The following FMN1 variants were observed in gnomAD, a reference collection of about 807,000 sequenced individuals.
The protein encoded by FMN1 is formin-1.
In FMN1, 110 loss-of-function variants were observed where a neutral mutation model predicts 132.4. The observed-to-expected ratio is 0.83, with a 90% CI of 0.71 to 0.97. The LOEUF (loss-of-function observed/expected upper bound fraction) is 0.97, where lower values mean the gene tolerates loss of function less well. Among genes scored for constraint, FMN1 ranks in the 50% least tolerant of loss-of-function variants. The pLI is 0.00. For missense variants in FMN1, 1,792 were observed against 1,705.3 expected (o/e 1.05, Z -0.90); for synonymous variants, 722 against 651.7 (o/e 1.11, Z -1.64).
chr15:32,843,105 C>A (rs2058781446), intron 17 of FMN1, among the ~76,000 whole-genome samples: 1 of 146,398 alleles, frequency 6.8e-6, no homozygotes, highest in Non-Finnish European at 1.5e-5. Flanking sequence ...CTAGCCTGGG[C>A]AACAAGAGCG....
intron 12 of FMN1, among the ~76,000 whole-genome samples, chr15:32,902,798 C>G (rs533039876): frequency 1.9e-4 from 29 of 152,150 alleles, no homozygotes; most frequent in Non-Finnish European, 3.8e-4. Flanking sequence ...GAAAGAGCGA[C>G]ATACTCTCCA....
chr15:33,115,025 A>G (rs2039861515), intron 4 of FMN1, among the ~76,000 whole-genome samples: 1 of 152,178 alleles, frequency 6.6e-6, no homozygotes, highest in Non-Finnish European at 1.5e-5. Context: ...TTGATTTTAT[A>G]GAGTCCTCAA....
In FMN1 at chr15:33,105,748, A is replaced by G. The variant is rs191795184; in HGVS notation, c.1868-16774T>C. On this transcript the variant is annotated intron_variant, in intron 4 of 20. Coordinates refer to ENST00000616417, the MANE Select transcript of FMN1 (RefSeq NM_001277313.2). ...TTTTTTTTGGTCTCACTACTGGGAT[A>G]TATTATTTACAATAAAAGTATCCAT... 11 of 152,128 alleles carry G rather than the reference A, an allele frequency of 7.2e-5. No individual in the cohort carries two copies. In the East Asian group the frequency reaches 1.7e-3, roughly 24 times the overall value. The allele number at this position is 152,128 out of a possible 1,614,324, so 9.4% of individuals were successfully genotyped here. A position where few individuals can be genotyped will look rare whatever the true frequency, so the allele number is the denominator to read the frequency against.
At position 32,969,017 on chromosome 15, in the gene FMN1, G is replaced by A; in HGVS notation, c.2684C>T (p.Pro895Leu). The A allele has an allele frequency of 7.8e-7, 1 of 1,287,874 alleles. No individual in the cohort carries two copies. Among genetic ancestry groups the A allele is most frequent in the Non-Finnish European group, 1.1e-6 (1 of 923,922 alleles). The allele number at this position is 1,287,874 out of a possible 1,614,324, so 79.8% of individuals were successfully genotyped here. ...LGSLSPAPPMPPVSAGPPLPP... is the reference protein window; with the variant it reads ...LGSLSPAPPMLPVSAGPPLPP... Reference sequence around the variant, plus strand: ...TAGCGGTGGCCCAGCACTCACAGGTGGCATTGGAGGTGCGGGAGACAAAGA... The same window carrying A: ...TAGCGGTGGCCCAGCACTCACAGGTAGCATTGGAGGTGCGGGAGACAAAGA... The change falls in exon 8 of 21, where the codon CCA becomes CTA. Residue 895 changes from proline (P) to leucine (L), a missense_variant. Physicochemically the swap from Pro to Leu is moderately conservative, Grantham distance 98. Around this residue, in one of 3 missense-constraint regions of FMN1, gnomAD observed 1,150 missense variants for 1,043.1 expected, o/e 1.10. Transcript: ENST00000616417.
At chr15:33,017,674 T>C (rs1289156874) in intron 6 of FMN1, among the ~76,000 whole-genome samples, 1 of 152,098 alleles carries the variant, frequency 6.6e-6, no homozygotes, top group Non-Finnish European at 1.5e-5. Flanking sequence ...TAGGCAAAAA[T>C]ATAAAAATGT....
intron 17 of FMN1, among the ~76,000 whole-genome samples, chr15:32,820,199 AG>A (rs1180703908): frequency 1.3e-5 from 2 of 152,194 alleles, no homozygotes; most frequent in African/African-American, 2.4e-5. Context: ...TACAACGTGA[AG>A]GGTGTATATA....
chr15:33,156,295 T>C (rs1964668459), intron 3 of FMN1, among the ~76,000 whole-genome samples: 2 of 148,562 alleles, frequency 1.3e-5, no homozygotes, highest in South Asian at 4.3e-4. Context: ...TTTTTTTTTT[T>C]TTTTAGATGG....
chr15:32,897,507 A>G (rs550782185), intron 15 of FMN1, among the ~76,000 whole-genome samples: 1 of 152,250 alleles, frequency 6.6e-6, no homozygotes. Context: ...GGAGAACATC[A>G]GAAGTAAAAA....
intron 7 of FMN1, among the ~76,000 whole-genome samples, chr15:33,002,129 G>A (rs1407753791): frequency 6.6e-6 from 1 of 152,134 alleles, no homozygotes; most frequent in Non-Finnish European, 1.5e-5. Context: ...ATTCCAAAAA[G>A]ACCTAAATGT....
chr15:33,102,091 C>G (rs936577577), intron 4 of FMN1, among the ~76,000 whole-genome samples: 1 of 152,060 alleles, frequency 6.6e-6, no homozygotes, highest in Admixed American at 6.6e-5. Flanking sequence ...TTTGGGTGTA[C>G]TCTGTACATG....
chr15:32,876,266 A>G (rs1327293344), intron 16 of FMN1, among the ~76,000 whole-genome samples: 1 of 152,234 alleles, frequency 6.6e-6, no homozygotes, highest in Non-Finnish European at 1.5e-5. Context: ...TAAACCAGAT[A>G]TATGACTGTC....
chr15:32,957,575 C>T (rs1055391800), intron 9 of FMN1, among the ~76,000 whole-genome samples: 6 of 152,070 alleles, frequency 3.9e-5, no homozygotes, highest in East Asian at 1.9e-4. Flanking sequence ...CAAGAATAAT[C>T]TAGAGATTCC....
intron 6 of FMN1, among the ~76,000 whole-genome samples, chr15:33,026,713 G>A (rs1437966508): frequency 6.6e-6 from 1 of 152,070 alleles, no homozygotes; most frequent in Non-Finnish European, 1.5e-5. Context: ...ATGAACCTCA[G>A]GAGAGAGAGG....
At chr15:33,018,164 C>T (rs1254372557) in intron 6 of FMN1, among the ~76,000 whole-genome samples, 1 of 152,094 alleles carries the variant, frequency 6.6e-6, no homozygotes. Context: ...GTCATGAAGG[C>T]AGAGCCCTTG....
intron 6 of FMN1, among the ~76,000 whole-genome samples, chr15:33,061,058 G>C (rs1050108202): frequency 2.6e-5 from 4 of 152,216 alleles, no homozygotes; most frequent in Admixed American, 6.5e-5. Flanking sequence ...GAACTTCCAA[G>C]TGCCCACAGA....
chr15:33,152,134 A>G (rs1265518061), intron 4 of FMN1, among the ~76,000 whole-genome samples: 2 of 152,234 alleles, frequency 1.3e-5, no homozygotes, highest in Non-Finnish European at 2.9e-5. Context: ...GAGCTCTGAA[A>G]AAGAACACAT....
chr15:32,778,470 C>G (rs1256727874), intron 19 of FMN1, among the ~76,000 whole-genome samples: 1 of 151,502 alleles, frequency 6.6e-6, no homozygotes, highest in African/African-American at 2.4e-5. Flanking sequence ...CAAATTATAC[C>G]CCCTCCTCTA....
At chr15:33,126,567 C>T (rs1963093910) in intron 4 of FMN1, among the ~76,000 whole-genome samples, 1 of 151,962 alleles carries the variant, frequency 6.6e-6, no homozygotes, top group African/African-American at 2.4e-5. Context: ...AGCTGAAGTT[C>T]TTAGCACTTC....
intron 4 of FMN1, among the ~76,000 whole-genome samples, chr15:33,128,559 A>G (rs775888252): frequency 1.3e-5 from 2 of 152,220 alleles, no homozygotes; most frequent in Admixed American, 6.5e-5. Context: ...CCGAGTCCGG[A>G]GTTTCTTGCT....
Sources: gnomAD v4.1 joint callset for allele counts (sites outside exome capture counted in the v4.1 genomes callset) on GRCh38, gnomAD v4.1.1 for gene constraint, gnomAD v4.1.1 regional missense constraint, MANE v1.5 for transcripts, NCBI Gene and HGNC (gene_info 2026-07-23, HGNC 2026-07-21) for gene names.